DOCK8: variants seen among roughly 807,000 people sequenced by gnomAD.
The protein encoded by DOCK8 is dedicator of cytokinesis 8.
DOCK8 carries 141 observed loss-of-function variants against 245.6 expected under a neutral mutation model. That is an observed-to-expected ratio of 0.57 (90% CI 0.50 to 0.66). The LOEUF (loss-of-function observed/expected upper bound fraction) is 0.66, where lower values mean the gene tolerates loss of function less well. DOCK8 is among the 30% of genes least tolerant of loss of function. DOCK8 has a pLI of 0.00. For synonymous variants in DOCK8, 1,168 were observed against 970.2 expected (o/e 1.20, Z -3.79); for missense variants, 2,965 against 2,603.4 (o/e 1.14, Z -3.02).
At chr9:463,925 G>A (rs2057892646) in intron 47 of DOCK8, among the ~76,000 whole-genome samples, 1 of 152,180 alleles carries the variant, frequency 6.6e-6, no homozygotes, top group African/African-American at 2.4e-5. Context: ...GGTATTCCCA[G>A]GGCTGAATGA....
chr9:296,183 C>T (rs577627348), intron 4 of DOCK8, among the ~76,000 whole-genome samples: 8 of 152,308 alleles, frequency 5.3e-5, no homozygotes, highest in East Asian at 1.9e-4. Context: ...ATTAGCATGG[C>T]GCCATGTTTG....
intron 1 of DOCK8, chr9:220,924 T>C (rs2046869484): frequency 1.1e-5 from 3 of 262,076 alleles, no homozygotes; most frequent in Non-Finnish European, 2.3e-5. Context: ...TTTCACCGTG[T>C]TGTTCAGGCT....
chr9:413,399 T>C (rs536892518), intron 28 of DOCK8, among the ~76,000 whole-genome samples: 3 of 151,214 alleles, frequency 2.0e-5, no homozygotes, highest in African/African-American at 7.3e-5. Flanking sequence ...AAGAAAAAAA[T>C]AGATAACTGG....
At chr9:312,438 C>T (rs1238200885) in intron 6 of DOCK8, 1 of 574,866 alleles carries the variant, frequency 1.7e-6, no homozygotes, top group East Asian at 4.0e-5. Flanking sequence ...CATTTAATCC[C>T]CAAATGTTTC....
At chr9:223,212 A>G (rs905626059) in intron 1 of DOCK8, among the ~76,000 whole-genome samples, 22 of 152,228 alleles carry the variant, frequency 1.4e-4, no homozygotes, top group African/African-American at 5.1e-4. Flanking sequence ...CTAAACTGGA[A>G]CTAAATTAAG....
At chr9:282,504 G>A (rs112667626) in intron 2 of DOCK8, among the ~76,000 whole-genome samples, 16 of 146,992 alleles carry the variant, frequency 1.1e-4, no homozygotes, top group Admixed American at 2.8e-4. Context: ...CTGCAGCCTC[G>A]AACTCCTGGG....
At chr9:463,095 C>A (rs1329379) in intron 46 of DOCK8, among the ~76,000 whole-genome samples, 111,644 of 151,948 alleles carry the variant, frequency 0.73, 42,195 homozygotes, top group East Asian at 1. Context: ...AACTTTTTAA[C>A]ATTAGACATT....
At chr9:287,440 C>T (rs1473960393) in intron 3 of DOCK8, among the ~76,000 whole-genome samples, 1 of 152,208 alleles carries the variant, frequency 6.6e-6, no homozygotes, top group Non-Finnish European at 1.5e-5. Flanking sequence ...TCATATCCTC[C>T]TGGACAGGTT....
intron 1 of DOCK8, among the ~76,000 whole-genome samples, chr9:221,658 A>T (rs1009301541): frequency 9.9e-6 from 1 of 101,014 alleles, no homozygotes; most frequent in African/African-American, 3.9e-5. Flanking sequence ...CTAAAAGTAC[A>T]AAAAAAAAAA....
intron 1 of DOCK8, among the ~76,000 whole-genome samples, chr9:238,425 T>C (rs1298210748): frequency 6.6e-6 from 1 of 152,162 alleles, no homozygotes; most frequent in African/African-American, 2.4e-5. Flanking sequence ...CCACACTTGG[T>C]AGATACTCAA....
chr9:246,983 A>G (rs1269098644), intron 1 of DOCK8, among the ~76,000 whole-genome samples: 2 of 151,994 alleles, frequency 1.3e-5, no homozygotes, highest in African/African-American at 2.4e-5. Flanking sequence ...GATACCACAG[A>G]AAAAAAATGA....
At chr9:324,315 C>T (rs895047204) in intron 7 of DOCK8, among the ~76,000 whole-genome samples, 2 of 152,200 alleles carry the variant, frequency 1.3e-5, no homozygotes, top group African/African-American at 4.8e-5. Context: ...AGGACATCCT[C>T]TCACACATAC....
chr9:382,208 A>G (rs996383607), intron 21 of DOCK8, among the ~76,000 whole-genome samples: 2 of 152,198 alleles, frequency 1.3e-5, no homozygotes, highest in East Asian at 1.9e-4. Flanking sequence ...CAGAAGCTCT[A>G]GCAACCCTGG....
intron 1 of DOCK8, among the ~76,000 whole-genome samples, chr9:218,969 G>A (rs528450844): frequency 6.6e-6 from 1 of 152,158 alleles, no homozygotes; most frequent in Non-Finnish European, 1.5e-5. Context: ...TATAGAAATT[G>A]TCCAAACTCA....
chr9:417,027 G>A (rs1470030150), intron 29 of DOCK8, among the ~76,000 whole-genome samples: 1 of 152,168 alleles, frequency 6.6e-6, no homozygotes, highest in Non-Finnish European at 1.5e-5. Context: ...CGGTGTGGTG[G>A]CTCACCCCTG....
intron 4 of DOCK8, among the ~76,000 whole-genome samples, chr9:299,345 C>A (rs1300110510): frequency 6.6e-6 from 1 of 152,140 alleles, no homozygotes; most frequent in African/African-American, 2.4e-5. Flanking sequence ...TCTCAAATAA[C>A]TGTTAATGGA....
chr9:268,480 C>T (rs893899363), intron 1 of DOCK8, among the ~76,000 whole-genome samples: 2 of 152,176 alleles, frequency 1.3e-5, no homozygotes, highest in African/African-American at 4.8e-5. Flanking sequence ...TGACATAGGA[C>T]AACAGATCTT....
intron 37 of DOCK8, among the ~76,000 whole-genome samples, chr9:432,799 A>G (rs576001244): frequency 2.0e-5 from 3 of 152,290 alleles, no homozygotes; most frequent in African/African-American, 7.2e-5. Flanking sequence ...GGGATGGTAA[A>G]GGGACCAGCT....
At chr9:217,393 G>A (rs1298654113) in intron 1 of DOCK8, among the ~76,000 whole-genome samples, 1 of 152,142 alleles carries the variant, frequency 6.6e-6, no homozygotes, top group Non-Finnish European at 1.5e-5. Context: ...CTTTCTTGGG[G>A]CCAGTGTTTC....
Sources: gnomAD v4.1 joint callset for allele counts (sites outside exome capture counted in the v4.1 genomes callset) on GRCh38, gnomAD v4.1.1 for gene constraint, MANE v1.5 for transcripts, NCBI Gene and HGNC (gene_info 2026-07-23, HGNC 2026-07-21) for gene names.